Variants in SLC9A4 observed in about 807,000 individuals in gnomAD.
SLC9A4 encodes the protein solute carrier family 9 member A4.
In SLC9A4, 63 loss-of-function variants were observed where a neutral mutation model predicts 67.4. The ratio of observed to expected loss-of-function variants is 0.93; its 90% CI spans 0.76 to 1.15. The LOEUF (loss-of-function observed/expected upper bound fraction) is 1.15, where lower values mean the gene tolerates loss of function less well. Ranked by LOEUF, SLC9A4 falls within the 50% of genes most tolerant of loss-of-function variation. The pLI is 0.00. For missense variants in SLC9A4, 1,089 were observed against 987.7 expected, an observed-to-expected ratio of 1.10 and a Z score of -1.38; for synonymous variants, 393 against 367.2, an observed-to-expected ratio of 1.07 and a Z score of -0.80.
chr2:102,512,663 C>T (rs942700804), intron 7 of SLC9A4, among the ~76,000 whole-genome samples: 5 of 152,192 alleles, frequency 3.3e-5, no homozygotes, highest in Non-Finnish European at 4.4e-5. Flanking sequence ...GGGATTCCTC[C>T]ATTGTTGGGG....
intron 9 of SLC9A4, among the ~76,000 whole-genome samples, chr2:102,521,948 T>C (rs1685429941): frequency 6.6e-6 from 1 of 152,176 alleles, no homozygotes; most frequent in Non-Finnish European, 1.5e-5. Flanking sequence ...GCTGGGTCTG[T>C]TGCTCCTAGG....
chr2:102,524,091 C>A (rs1056578215), intron 9 of SLC9A4, among the ~76,000 whole-genome samples: 1 of 152,198 alleles, frequency 6.6e-6, no homozygotes, highest in African/African-American at 2.4e-5. Flanking sequence ...CTAATTTACT[C>A]ACTTATGTAA....
At chr2:102,500,246 C>T (rs567718697) in intron 2 of SLC9A4, among the ~76,000 whole-genome samples, 12 of 152,236 alleles carry the variant, frequency 7.9e-5, no homozygotes, top group East Asian at 3.9e-4. Context: ...AACCTAGGAA[C>T]GGTGAGGACT....
chr2:102,505,760 T>C (rs947423169), intron 4 of SLC9A4: 3 of 332,956 alleles, frequency 9.0e-6, no homozygotes, highest in Non-Finnish European at 1.6e-5. Context: ...TATAATTCAG[T>C]CAATGGAAAA....
chr2:102,499,492 C>T (rs925602159), intron 2 of SLC9A4, among the ~76,000 whole-genome samples: 1 of 151,958 alleles, frequency 6.6e-6, no homozygotes, highest in East Asian at 1.9e-4. Context: ...AATTCTTTTC[C>T]TAATACGAGA....
chr2:102,492,949 G>A (rs967708823), intron 2 of SLC9A4, among the ~76,000 whole-genome samples: 6 of 152,172 alleles, frequency 3.9e-5, no homozygotes, highest in African/African-American at 1.4e-4. Context: ...GATTTCTAAA[G>A]CAGGGGCAAA....
intron 11 of SLC9A4, among the ~76,000 whole-genome samples, chr2:102,530,386 T>C (rs1317579646): frequency 6.6e-6 from 1 of 152,214 alleles, no homozygotes; most frequent in Non-Finnish European, 1.5e-5. Context: ...TGGGTGCCCA[T>C]GTGGAGGAGA....
intron 4 of SLC9A4, 143 bp from the exon 5 acceptor site, chr2:102,507,936 C>A: frequency 4.1e-6 from 3 of 726,488 alleles, no homozygotes; most frequent in Non-Finnish European, 7.0e-6. Flanking sequence ...AAAAGATACT[C>A]TACCTGGGAT....
intron 4 of SLC9A4, 71 bp from the exon 5 acceptor site, chr2:102,508,008 C>T: frequency 6.8e-7 from 1 of 1,479,542 alleles, no homozygotes; most frequent in Non-Finnish European, 9.4e-7. Context: ...CGCACACAAC[C>T]TCAGTTCACT....
chr2:102,481,001 G>A (rs997948817), intron 2 of SLC9A4, among the ~76,000 whole-genome samples: 10 of 152,122 alleles, frequency 6.6e-5, no homozygotes, highest in Non-Finnish European at 1.2e-4. Context: ...TTGAGTTGTT[G>A]GAATAATTTT....
chr2:102,507,939 C>T (rs1685081903), intron 4 of SLC9A4, 140 bp from the exon 5 acceptor site: 1 of 746,932 alleles, frequency 1.3e-6, no homozygotes, highest in Non-Finnish European at 2.3e-6. Flanking sequence ...AGATACTCTA[C>T]CTGGGATAGA....
intron 2 of SLC9A4, among the ~76,000 whole-genome samples, chr2:102,487,659 A>G (rs898349411): frequency 2.0e-5 from 3 of 152,200 alleles, no homozygotes; most frequent in Admixed American, 6.5e-5. Flanking sequence ...TTGGCTTTCA[A>G]CTAGACTACA....
intron 2 of SLC9A4, among the ~76,000 whole-genome samples, chr2:102,500,801 C>A (rs955867395): frequency 6.6e-6 from 1 of 152,110 alleles, no homozygotes; most frequent in African/African-American, 2.4e-5. Context: ...CTCAAACAAA[C>A]GTGAGGCATT....
intron 11 of SLC9A4, among the ~76,000 whole-genome samples, chr2:102,528,749 T>TA (rs1323615439): frequency 6.6e-6 from 1 of 152,236 alleles, no homozygotes; most frequent in Non-Finnish European, 1.5e-5. Flanking sequence ...GTTTAACATT[T>TA]GGAAACATAC....
rs1316381640 is a variant in SLC9A4, at chr2:102,532,519, T to A, written c.2228T>A (p.Val743Glu). 6.8e-6 allele frequency: 11 copies of A among 1,613,856 alleles called. No homozygotes were observed. Among genetic ancestry groups the A allele is most frequent in the Non-Finnish European group, 9.3e-6 (11 of 1,179,938 alleles). ...GAGTACTTGGGTGGAGTAAGGAGGG[T>A]GGCCTTAAGACCCAAACCTCTGTTT... ...QEEYLGGVRR[V>E]ALRPKPLFHA... Residue 743 changes from valine to glutamate, a missense_variant, in exon 12 of 12, where the codon GTG (valine) becomes GAG (glutamate). Physicochemically the swap from Val to Glu is moderately radical, Grantham distance 121. Coordinates refer to ENST00000295269, the MANE Select transcript of SLC9A4 (RefSeq NM_001011552.4).
Position 102,478,915 on chromosome 2 carries a change from C to T in SLC9A4, c.333C>T (p.Gly111=), listed in dbSNP as rs375903377. Residue 111 remains glycine, a synonymous_variant, in exon 2 of 12, where the codon GGC becomes GGT. Transcript: ENST00000295269. ...TCATCCTGGTGGGGGCGCTGGTGGG[C>T]GGCATCATCTTCGGCACCGACCACA... ...CLLILVGALV[G]GIIFGTDHKS... The T allele has an allele frequency of 6.2e-7, 1 of 1,613,900 alleles. No homozygotes were observed. Among genetic ancestry groups the T allele is most frequent in the African/African-American group, 1.3e-5 (1 of 74,932 alleles).
chr2:102,475,493 T>G (rs1684311326), intron 1 of SLC9A4, among the ~76,000 whole-genome samples: 1 of 152,230 alleles, frequency 6.6e-6, no homozygotes, highest in South Asian at 2.1e-4. Context: ...GTTTTATATT[T>G]GTGTAAAACC....
At chr2:102,493,446 C>A (rs1364384910) in intron 2 of SLC9A4, among the ~76,000 whole-genome samples, 1 of 151,842 alleles carries the variant, frequency 6.6e-6, no homozygotes, top group Admixed American at 6.6e-5. Context: ...AACAAAGTCA[C>A]GTCTTACATG....
At chr2:102,530,809 T>G (rs1674764080) in intron 11 of SLC9A4, among the ~76,000 whole-genome samples, 1 of 152,196 alleles carries the variant, frequency 6.6e-6, no homozygotes, top group Non-Finnish European at 1.5e-5. Flanking sequence ...AATGTTTTCT[T>G]TATTGAAAGA....
Sources: gnomAD v4.1 joint callset for allele counts (sites outside exome capture counted in the v4.1 genomes callset) on GRCh38, gnomAD v4.1.1 for gene constraint, MANE v1.5 for transcripts, NCBI Gene and HGNC (gene_info 2026-07-23, HGNC 2026-07-21) for gene names.